MAP2: variants seen among roughly 807,000 people sequenced by gnomAD.
The protein encoded by MAP2 is microtubule associated protein 2, also known as microtubule-associated protein 2.
MAP2 carries 14 observed loss-of-function variants against 137.6 expected under a neutral mutation model. The ratio of observed to expected loss-of-function variants is 0.10; its 90% CI spans 0.07 to 0.16. The LOEUF is 0.16. Among genes scored for constraint, MAP2 ranks in the 10% least tolerant of loss-of-function variants. The probability of loss-of-function intolerance (pLI) is 1.00; values close to 1 mark genes in which losing one functional copy is unlikely to be tolerated. For synonymous variants in MAP2, 786 were observed against 782.3 expected (o/e 1.00, Z -0.08); for missense variants, 2,088 against 2,191.5 (o/e 0.95, Z 0.94).
At chr2:209,441,541 G>A (rs1189903350) in intron 1 of MAP2, among the ~76,000 whole-genome samples, 1 of 151,588 alleles carries the variant, frequency 6.6e-6, no homozygotes, top group Admixed American at 6.6e-5. Flanking sequence ...CGAAGTGGAG[G>A]CCAGCTGTTT....
intron 1 of MAP2, among the ~76,000 whole-genome samples, chr2:209,467,817 C>T (rs1372556507): frequency 2.0e-5 from 3 of 152,224 alleles, no homozygotes; most frequent in Non-Finnish European, 2.9e-5. Flanking sequence ...TCTTAACATC[C>T]GTTTGCCTCA....
rs565301126 is a variant in MAP2, at chr2:209,730,379, C to A, written c.5466C>A (p.Leu1822=). ...TGGCTGAGGATGTCACTGCTGCACT[C>A]GCTAAGCAGGGCTTGTGAATATTTC... is the stretch of plus-strand genomic sequence containing the variant. ...ATLAEDVTAA[L]AKQGL is the part of the protein sequence containing the mutation. The change falls in exon 16 of 16, where the codon CTC becomes CTA. Residue 1822 remains leucine, a synonymous_variant. Coordinates refer to ENST00000682079, the MANE Select transcript of MAP2 (RefSeq NM_001375505.1). 1.2e-6 allele frequency: 2 copies of A among 1,613,510 alleles called. No individual in the cohort carries two copies. The highest frequency in any genetic ancestry group is 1.1e-5 in the South Asian group (1 of 91,024).
At chr2:209,666,382 T>A (rs1033332439) in intron 5 of MAP2, among the ~76,000 whole-genome samples, 1 of 152,042 alleles carries the variant, frequency 6.6e-6, no homozygotes, top group African/African-American at 2.4e-5. Flanking sequence ...TTAACAAAAG[T>A]CACATTTTAA....
intron 1 of MAP2, among the ~76,000 whole-genome samples, chr2:209,474,021 C>A (rs1207380584): frequency 2.0e-5 from 3 of 152,196 alleles, no homozygotes; most frequent in African/African-American, 7.2e-5. Context: ...CTCCGCAGTG[C>A]TCTACTCACA....
intron 2 of MAP2, among the ~76,000 whole-genome samples, chr2:209,541,362 A>G (rs1204523874): frequency 6.6e-6 from 1 of 151,200 alleles, no homozygotes; most frequent in Non-Finnish European, 1.5e-5. Context: ...TGCAAGTCAT[A>G]GTCTTGTTGA....
chr2:209,434,544 A>G (rs967660886), intron 1 of MAP2, among the ~76,000 whole-genome samples: 5 of 151,726 alleles, frequency 3.3e-5, no homozygotes, highest in African/African-American at 7.3e-5. Context: ...AGTTACTGAA[A>G]TGTTAAAAAT....
intron 2 of MAP2, among the ~76,000 whole-genome samples, chr2:209,574,571 G>C (rs2075000009): frequency 6.6e-6 from 1 of 152,088 alleles, no homozygotes; most frequent in Non-Finnish European, 1.5e-5. Context: ...GAGTCATTTT[G>C]TACAACTCAC....
intron 4 of MAP2, among the ~76,000 whole-genome samples, chr2:209,630,722 C>T (rs2092914711): frequency 6.6e-6 from 1 of 151,862 alleles, no homozygotes; most frequent in East Asian, 1.9e-4. Flanking sequence ...TAGCCAGCCT[C>T]CAAGGGAAAG....
intron 1 of MAP2, among the ~76,000 whole-genome samples, chr2:209,477,405 T>A (rs556626282): frequency 1.3e-5 from 2 of 152,074 alleles, no homozygotes; most frequent in South Asian, 4.2e-4. Context: ...TTAAAAAAAA[T>A]TAAAAATAAT....
chr2:209,512,076 G>A (rs2061795920), intron 2 of MAP2, among the ~76,000 whole-genome samples: 1 of 151,702 alleles, frequency 6.6e-6, no homozygotes, highest in African/African-American at 2.4e-5. Context: ...GGTATTCCTT[G>A]GTCAAGCCCT....
chr2:209,707,165 T>TAAA (rs2063699296), intron 12 of MAP2, among the ~76,000 whole-genome samples: 3 of 152,186 alleles, frequency 2.0e-5, no homozygotes, highest in African/African-American at 7.2e-5. Flanking sequence ...AAATGGCACT[T>TAAA]TCTCCATAAA....
rs2153741687 is a variant in MAP2, at chr2:209,703,281, A to G, written c.4585-2299A>G. ...TGAAAAATTCTGTTGAAGTCAATGT[A>G]GATGACGTGAAAATAAATTTTCTCA... On this transcript the variant is annotated intron_variant, in intron 11 of 15. Transcript: ENST00000682079. 2.0e-5 allele frequency among the ~76,000 whole-genome samples: 3 copies of G among 152,262 alleles called. No individual in the cohort carries two copies. In the South Asian group the frequency reaches 6.2e-4, roughly 32 times the overall value.
intron 2 of MAP2, among the ~76,000 whole-genome samples, chr2:209,545,419 T>C (rs757645876): frequency 3.3e-5 from 5 of 152,236 alleles, no homozygotes; most frequent in Admixed American, 6.5e-5. Flanking sequence ...TGCTACCTTG[T>C]TTTATTTTAT....
At chr2:209,659,963 AG>A (rs1160979321) in intron 5 of MAP2, among the ~76,000 whole-genome samples, 1 of 151,976 alleles carries the variant, frequency 6.6e-6, no homozygotes, top group Non-Finnish European at 1.5e-5. Flanking sequence ...GTGTGAACCC[AG>A]GAGGCGGAGC....
chr2:209,720,343 T>A (rs1007953566), intron 13 of MAP2, among the ~76,000 whole-genome samples: 1 of 152,066 alleles, frequency 6.6e-6, no homozygotes, highest in Non-Finnish European at 1.5e-5. Context: ...CAAGTAAAAA[T>A]TTTACTTGAA....
chr2:209,524,982 T>C (rs890686686), intron 2 of MAP2, among the ~76,000 whole-genome samples: 4 of 152,176 alleles, frequency 2.6e-5, no homozygotes, highest in African/African-American at 9.6e-5. Context: ...TAAGCAGCTG[T>C]GTTACCTTGA....
At position 209,696,119 on chromosome 2, in the gene MAP2, C is replaced by T. The variant is rs1335786907; in HGVS notation, c.3949C>T (p.Pro1317Ser). Residue 1317 changes from proline (P) to serine (S), a missense_variant, in exon 8 of 16, where the codon CCT becomes TCT. Coordinates refer to ENST00000682079, the MANE Select transcript of MAP2 (RefSeq NM_001375505.1). ...HSVRFAALEQPEVERRPSPHD... is the reference protein window; with the variant it reads ...HSVRFAALEQSEVERRPSPHD... ...CGTGCGTTTTGCAGCCCTAGAGCAG[C>T]CTGAGGTGGAAAGGAGACCATCTCC... 2 of 1,613,274 alleles carry T rather than the reference C, an allele frequency of 1.2e-6. No individual in the cohort carries two copies. The highest frequency in any genetic ancestry group is 1.7e-5 in the Admixed American group (1 of 59,920).
At chr2:209,614,556 A>G (rs1473043967) in intron 3 of MAP2, among the ~76,000 whole-genome samples, 1 of 152,192 alleles carries the variant, frequency 6.6e-6, no homozygotes, top group African/African-American at 2.4e-5. Flanking sequence ...GAGTGATAAC[A>G]TTATAGATCG....
Position 209,697,059 on chromosome 2 carries a change from T to C in MAP2, c.4522+8T>C. ...TTAAGCGGAAAACCACAGGTGACTG[T>C]TCAATTCTGCAATGTGACTGGCAAA... On this transcript the variant is annotated splice_region_variant and intron_variant, in intron 10 of 15. Coordinates refer to ENST00000682079, the MANE Select transcript of MAP2 (RefSeq NM_001375505.1). The C allele has an allele frequency of 6.3e-7, 1 of 1,583,360 alleles. No individual in the cohort carries two copies. Among genetic ancestry groups the C allele is most frequent in the Non-Finnish European group, 8.5e-7 (1 of 1,171,204 alleles).
Sources: gnomAD v4.1 joint callset for allele counts (sites outside exome capture counted in the v4.1 genomes callset) on GRCh38, gnomAD v4.1.1 for gene constraint, MANE v1.5 for transcripts, NCBI Gene and HGNC (gene_info 2026-07-23, HGNC 2026-07-21) for gene names.